Variants in BLK observed in about 807,000 individuals in gnomAD.
BLK encodes tyrosine-protein kinase Blk.
In BLK, 64 loss-of-function variants were observed where a neutral mutation model predicts 61.8. That is an observed-to-expected ratio of 1.03 (90% CI 0.85 to 1.27). The LOEUF is 1.27. Among genes scored for constraint, BLK ranks in the 50% most tolerant of loss-of-function variants. BLK has a pLI of 0.00. For synonymous variants in BLK, 351 were observed against 272.0 expected (o/e 1.29, Z -2.86); for missense variants, 853 against 660.5 (o/e 1.29, Z -3.19).
chr8:11,558,141 G>A (rs1233968258), intron 10 of BLK, 103 bp downstream of exon 10: 5 of 1,208,970 alleles, frequency 4.1e-6, no homozygotes, highest in Admixed American at 1.9e-5. Flanking sequence ...AGCAGGAGAA[G>A]TCAGGGGGTA....
At chr8:11,545,450 G>T (rs1391915755) in intron 2 of BLK, among the ~76,000 whole-genome samples, 7 of 152,168 alleles carry the variant, frequency 4.6e-5, no homozygotes, top group Admixed American at 4.6e-4. Flanking sequence ...TTGGGAGGCT[G>T]AGGCACGAGA....
At chr8:11,544,703 G>A (rs1800543117) in intron 2 of BLK, among the ~76,000 whole-genome samples, 1 of 152,140 alleles carries the variant, frequency 6.6e-6, no homozygotes, top group South Asian at 2.1e-4. Context: ...AGTCACCAGA[G>A]TTGCCTCGAG....
intron 6 of BLK, among the ~76,000 whole-genome samples, chr8:11,553,910 A>G (rs1801045918): frequency 6.6e-6 from 1 of 152,050 alleles, no homozygotes; most frequent in Non-Finnish European, 1.5e-5. Flanking sequence ...AACGAGAACG[A>G]GGGGTCCGTG....
chr8:11,556,320 G>C (rs909871126), intron 8 of BLK: 1 of 378,760 alleles, frequency 2.6e-6, no homozygotes, highest in African/African-American at 2.1e-5. Context: ...TTTCCACCAA[G>C]GAGTTATTGT....
chr8:11,564,407 G>T lies in BLK; in HGVS notation c.*299G>T. On this transcript the variant is annotated 3_prime_UTR_variant, in exon 13 of 13. Coordinates refer to ENST00000259089, the MANE Select transcript of BLK (RefSeq NM_001715.3). ...AGGTGTTCAGGACTGGTAAGCGACTGTCATCAAGTAAGGCCCCCGTGCTGG... is the reference window on the plus strand; with the variant it reads ...AGGTGTTCAGGACTGGTAAGCGACTTTCATCAAGTAAGGCCCCCGTGCTGG... 1 of 630,250 alleles carries T rather than the reference G, an allele frequency of 1.6e-6. No individual in the cohort carries two copies. The highest frequency in any genetic ancestry group is 3.2e-5 in the East Asian group (1 of 30,936). 39.0% of individuals were successfully genotyped at this position (630,250 alleles called of 1,614,324 possible).
At chr8:11,498,732 C>T (rs1585313608) in intron 1 of BLK, among the ~76,000 whole-genome samples, 1 of 152,188 alleles carries the variant, frequency 6.6e-6, no homozygotes, top group South Asian at 2.1e-4. Flanking sequence ...AGCAGCCTTA[C>T]CTGTCTCGGG....
intron 8 of BLK, chr8:11,556,383 C>G (rs1352451506): frequency 2.1e-6 from 1 of 486,994 alleles, no homozygotes; most frequent in Non-Finnish European, 3.8e-6. Flanking sequence ...GACACAGGTT[C>G]CGTGCAGGAC....
At chr8:11,526,167 G>C (rs1451609319) in intron 1 of BLK, among the ~76,000 whole-genome samples, 1 of 152,218 alleles carries the variant, frequency 6.6e-6, no homozygotes, top group African/African-American at 2.4e-5. Flanking sequence ...GACAGATGCA[G>C]AATGCACTTC....
At position 11,564,314 on chromosome 8, in the gene BLK, T is replaced by C. The variant is rs757340037; in HGVS notation, c.*206T>C. ...CCGGGCGAGTTACGCGGCCTCTCTG[T>C]GCCGCTTCATTTGTAGAGGGCTGTA... is the stretch of plus-strand genomic sequence containing the variant. On this transcript the variant is annotated 3_prime_UTR_variant, in exon 13 of 13. Coordinates refer to ENST00000259089, the MANE Select transcript of BLK (RefSeq NM_001715.3). The C allele has an allele frequency of 3.2e-5, 23 of 717,452 alleles. No homozygotes were observed. The South Asian group carries it at 3.4e-4, about 11-fold the overall frequency. 44.4% of individuals were successfully genotyped at this position (717,452 alleles called of 1,614,324 possible). A position where few individuals can be genotyped will look rare whatever the true frequency, so the allele number is the denominator to read the frequency against.
At chr8:11,546,725 A>G (rs1384744728) in intron 3 of BLK, among the ~76,000 whole-genome samples, 3 of 152,164 alleles carry the variant, frequency 2.0e-5, no homozygotes, top group East Asian at 3.9e-4. Flanking sequence ...ACAGGTGCAC[A>G]CAACCACACC....
intron 1 of BLK, among the ~76,000 whole-genome samples, chr8:11,498,975 A>G (rs1032497672): frequency 1.3e-5 from 2 of 152,234 alleles, no homozygotes; most frequent in Non-Finnish European, 2.9e-5. Context: ...TTTATGCCCA[A>G]TATTCATTTT....
chr8:11,496,620 A>G (rs1181093721), intron 1 of BLK, among the ~76,000 whole-genome samples: 1 of 152,164 alleles, frequency 6.6e-6, no homozygotes, highest in Non-Finnish European at 1.5e-5. Context: ...AGCGAAGCTC[A>G]CTGCACTGGT....
chr8:11,551,062 C>G (rs940311981), intron 6 of BLK, among the ~76,000 whole-genome samples: 5 of 152,132 alleles, frequency 3.3e-5, no homozygotes, highest in African/African-American at 1.2e-4. Flanking sequence ...GGATGGAAAT[C>G]CTTCCTTGCT....
intron 11 of BLK, 151 bp from the exon 12 acceptor site, chr8:11,562,828 G>C (rs1801552064): frequency 1.0e-6 from 1 of 969,654 alleles, no homozygotes; most frequent in South Asian, 1.5e-5. Context: ...GTGTGCGGTA[G>C]TGGCTCCCCC....
At chr8:11,555,904 C>T (rs1259740643) in intron 8 of BLK, 1 of 333,802 alleles carries the variant, frequency 3.0e-6, no homozygotes, top group Non-Finnish European at 5.9e-6. Flanking sequence ...TTGGCCAAGT[C>T]ACTGAAGCTC....
At position 11,545,036 on chromosome 8, in the gene BLK, C is replaced by A. The variant is rs562490078; in HGVS notation, c.124-1016C>A. Among the ~76,000 whole-genome samples, 9 of 152,292 alleles carry A rather than the reference C, an allele frequency of 5.9e-5. No individual in the cohort carries two copies. The East Asian group carries it at 1.2e-3, about 20-fold the overall frequency. ...TTTTAATATTATCACATATGTATTA[C>A]CCCTAAACGATATTTAGTTTCATTA... On this transcript the variant is annotated intron_variant, in intron 2 of 12. Coordinates refer to ENST00000259089, the MANE Select transcript of BLK (RefSeq NM_001715.3).
rs779019154 is a variant in BLK, at chr8:11,561,202, TCCCCA to T, written c.1030-99_1030-95del. The T allele has an allele frequency of 2.8e-5, 42 of 1,501,430 alleles. No homozygotes were observed. The African/African-American group carries it at 5.1e-4, about 18-fold the overall frequency. The allele number at this position is 1,501,430 out of a possible 1,614,324, so 93.0% of individuals were successfully genotyped here. A position where few individuals can be genotyped will look rare whatever the true frequency, so the allele number is the denominator to read the frequency against. ...CTACTCCATCCAAGAAACAGCTCCT[TCCCCA>T]GCAGCCCACAGGGGCTGTGCGGGGG... On this transcript the variant is annotated intron_variant, in intron 10 of 12. Transcript: ENST00000259089.
chr8:11,504,367 G>GAAAAGAAAAGAAAAGAAAAGAAAAGA (rs1554540058), intron 1 of BLK, among the ~76,000 whole-genome samples: 3 of 39,382 alleles, frequency 7.6e-5, no homozygotes, highest in Admixed American at 3.5e-4. Flanking sequence ...AAGGAAGGAA[G>GAAAAGAAAAGAAAAGAAAAGAAAAGA]AAAGAAAAGA....
intron 1 of BLK, among the ~76,000 whole-genome samples, chr8:11,504,193 G>A (rs1016869443): frequency 1.3e-5 from 2 of 152,108 alleles, no homozygotes; most frequent in African/African-American, 4.8e-5. Context: ...GTGGTGGTGT[G>A]CGACTGTAAT....
Sources: allele counts gnomAD v4.1 joint callset (sites outside exome capture counted in the v4.1 genomes callset), GRCh38; gene constraint gnomAD v4.1.1; transcripts MANE v1.5; gene names NCBI Gene and HGNC (gene_info 2026-07-23, HGNC 2026-07-21).